The following WRAP53 variants were observed in gnomAD, a reference collection of about 807,000 sequenced individuals.
WRAP53 encodes WD repeat containing antisense to TP53.
WRAP53 carries 28 observed loss-of-function variants against 56.6 expected under a neutral mutation model. That is an observed-to-expected ratio of 0.50 (90% CI 0.37 to 0.68). The LOEUF is 0.68. Among genes scored for constraint, WRAP53 ranks in the 30% least tolerant of loss-of-function variants. WRAP53 has a pLI of 0.00. For synonymous variants in WRAP53, 283 were observed against 283.4 expected (o/e 1.00, Z 0.01); for missense variants, 671 against 715.5 (o/e 0.94, Z 0.71).
intron 4 of WRAP53, among the ~76,000 whole-genome samples, chr17:7,697,673 A>G (rs1039362001): frequency 6.6e-6 from 1 of 152,192 alleles, no homozygotes; most frequent in African/African-American, 2.4e-5. Flanking sequence ...AGAAAAAAAA[A>G]GAAAAAGAAA....
At chr17:7,700,055 T>C (rs1417721802) in intron 4 of WRAP53, among the ~76,000 whole-genome samples, 1 of 151,024 alleles carries the variant, frequency 6.6e-6, no homozygotes, top group Non-Finnish European at 1.5e-5. Context: ...CTTTTCTTTT[T>C]CTTTTTTTTT....
intron 4 of WRAP53, among the ~76,000 whole-genome samples, chr17:7,690,238 C>T (rs1374175172): frequency 1.3e-5 from 2 of 152,202 alleles, no homozygotes; most frequent in African/African-American, 4.8e-5. Context: ...TGTGAGTCAC[C>T]GTGCCTGGCT....
chr17:7,701,837 A>T lies in WRAP53; in HGVS notation c.955+48A>T. 6.3e-7 allele frequency: 1 copy of T among 1,595,630 alleles called. No homozygotes were observed. The highest frequency in any genetic ancestry group is 1.3e-5 in the African/African-American group (1 of 74,678). Reference sequence around the variant, plus strand: ...GAGGAGGAGAGGGAAGGGCACTGCCACCTGCACAGGGGCCTTTTGTGAGCC... The same window carrying T: ...GAGGAGGAGAGGGAAGGGCACTGCCTCCTGCACAGGGGCCTTTTGTGAGCC... On this transcript the variant is annotated intron_variant, in intron 7 of 10. Coordinates refer to ENST00000396463, the MANE Select transcript of WRAP53 (RefSeq NM_001143992.2). The surrounding 1 kb of genome is among the most constrained non-coding windows in gnomAD (Gnocchi z 4.2).
At chr17:7,692,726 T>A (rs545781820) in intron 4 of WRAP53, among the ~76,000 whole-genome samples, 4 of 149,992 alleles carry the variant, frequency 2.7e-5, no homozygotes. Context: ...AGGTCACTAA[T>A]GTCCTCTTGG....
rs773199225 is a variant in WRAP53 at position 7,688,851 on chromosome 17, G to A, written c.203G>A (p.Arg68Gln). The change falls in exon 2 of 11, where the codon CGG becomes CAG. Residue 68 changes from arginine (R) to glutamine (Q), a missense_variant. Around this residue, in one of 3 missense-constraint regions of WRAP53, gnomAD observed 406 missense variants for 418.5 expected, o/e 0.97. Coordinates refer to ENST00000396463, the MANE Select transcript of WRAP53 (RefSeq NM_001143992.2). ...GGCTCAGCTGTGTCCCAGGAGCTAC[G>A]GGAGGGGGACCCAGTTTCTCTCTCC... is the stretch of plus-strand genomic sequence containing the variant. ...VAGSAVSQEL[R>Q]EGDPVSLSTP... The A allele has an allele frequency of 1.2e-6, 2 of 1,614,206 alleles. No individual in the cohort carries two copies. The highest frequency in any genetic ancestry group is 2.2e-5 in the East Asian group (1 of 44,888).
At chr17:7,698,527 T>G (rs935643606) in intron 4 of WRAP53, among the ~76,000 whole-genome samples, 1 of 151,312 alleles carries the variant, frequency 6.6e-6, no homozygotes, top group African/African-American at 2.4e-5. Flanking sequence ...AGGCCAGGAG[T>G]TTTAGACCAG....
At chr17:7,699,468 A>G (rs1334646562) in intron 4 of WRAP53, among the ~76,000 whole-genome samples, 4 of 15,472 alleles carry the variant, frequency 2.6e-4, no homozygotes, top group African/African-American at 1.0e-3. Flanking sequence ...TTATATATAT[A>G]TATATATTTA....
upstream of WRAP53, chr17:7,687,276 C>CT (rs1459382170): frequency 2.3e-5 from 9 of 398,376 alleles, no homozygotes; most frequent in Non-Finnish European, 4.0e-5. Context: ...TAAGTCCCCA[C>CT]TGCCCCACCC....
chr17:7,687,051 A>C (rs2074007713), upstream of WRAP53: 4 of 350,342 alleles, frequency 1.1e-5, no homozygotes, highest in Non-Finnish European at 2.0e-5. Context: ...CTTTTATTTC[A>C]GGGATTCCCT....
intron 4 of WRAP53, among the ~76,000 whole-genome samples, chr17:7,698,141 G>T (rs558885311): frequency 5.3e-5 from 8 of 152,312 alleles, no homozygotes; most frequent in South Asian, 4.1e-4. Flanking sequence ...CTTTGGGAAA[G>T]AAATTGACAT....
intron 4 of WRAP53, among the ~76,000 whole-genome samples, chr17:7,699,146 G>T (rs1330732717): frequency 1.3e-5 from 2 of 151,204 alleles, no homozygotes; most frequent in Non-Finnish European, 1.5e-5. Context: ...TAGGCTGGGC[G>T]CAGTGGCTCA....
upstream of WRAP53, chr17:7,687,030 G>T: frequency 3.2e-6 from 1 of 312,762 alleles, no homozygotes; most frequent in Non-Finnish European, 5.8e-6. Flanking sequence ...AGACCTCAAT[G>T]CTTTGTGCAT....
At position 7,702,986 on chromosome 17, in the gene WRAP53, C is replaced by A; in HGVS notation, c.1269-7C>A. On this transcript the variant is annotated splice_region_variant and splice_polypyrimidine_tract_variant and intron_variant, in intron 9 of 10. Coordinates refer to ENST00000396463, the MANE Select transcript of WRAP53 (RefSeq NM_001143992.2). The surrounding 1 kb of genome is among the most constrained non-coding windows in gnomAD (Gnocchi z 5.0). Reference sequence around the variant, plus strand: ...CTCTGCCAGCAAATCTCTCCTCTCTCTCGCAGGACCGGGCAGTTCCTAGTG... The same window carrying A: ...CTCTGCCAGCAAATCTCTCCTCTCTATCGCAGGACCGGGCAGTTCCTAGTG... 6.2e-7 allele frequency: 1 copy of A among 1,613,784 alleles called. No individual in the cohort carries two copies. Among genetic ancestry groups the A allele is most frequent in the Non-Finnish European group, 8.5e-7 (1 of 1,180,032 alleles).
chr17:7,697,787 G>A (rs780602952), intron 4 of WRAP53, among the ~76,000 whole-genome samples: 4 of 152,028 alleles, frequency 2.6e-5, no homozygotes, highest in South Asian at 2.1e-4. Flanking sequence ...AATTTATGCT[G>A]TAATGAAATA....
Position 7,702,230 on chromosome 17 carries a change from G to T in WRAP53, c.956-114G>T, listed in dbSNP as rs1356412843. On this transcript the variant is annotated intron_variant, in intron 7 of 10. Transcript: ENST00000396463. This position sits in a 1 kb window ranked among gnomAD's most constrained non-coding sequence, Gnocchi z 5.0. Reference sequence around the variant, plus strand: ...GTCCTGCTTGTGACAGACAGCATGGGGGGGATGTTGAGTCCAAGCATGTTG... The same window carrying T: ...GTCCTGCTTGTGACAGACAGCATGGTGGGGATGTTGAGTCCAAGCATGTTG... 8 of 1,117,414 alleles carry T rather than the reference G, an allele frequency of 7.2e-6. No individual in the cohort carries two copies. Among genetic ancestry groups the T allele is most frequent in the South Asian group, 6.5e-5 (5 of 77,042 alleles). The allele number at this position is 1,117,414 out of a possible 1,614,324, so 69.2% of individuals were successfully genotyped here.
rs1227623006 is a variant in WRAP53 at position 7,701,260 on chromosome 17, C to T, written c.732-199C>T. On this transcript the variant is annotated intron_variant, in intron 5 of 10. Transcript: ENST00000396463. This position sits in a 1 kb window ranked among gnomAD's most constrained non-coding sequence, Gnocchi z 4.2. ...CTTGGATTACAGGCATGAGCCACCA[C>T]ACCCAGCCTCATTTTTGTATTTTTA... Among the ~76,000 whole-genome samples, 1 of 152,082 alleles carries T rather than the reference C, an allele frequency of 6.6e-6. No homozygotes were observed. The highest frequency in any genetic ancestry group is 2.4e-5 in the African/African-American group (1 of 41,412).
intron 4 of WRAP53, among the ~76,000 whole-genome samples, chr17:7,699,488 ATATATATATATATT>A (rs1424543875): frequency 2.1e-3 from 30 of 14,122 alleles, no homozygotes; most frequent in Non-Finnish European, 2.7e-3. Context: ...ATATATATAT[ATATATATATATATT>A]TATATATATA....
rs370637813 is a variant in WRAP53, at chr17:7,700,686, G to A, written c.643-55G>A. The A allele has an allele frequency of 1.0e-4, 131 of 1,250,646 alleles. No homozygotes were observed. The African/African-American group carries it at 1.4e-3, about 14-fold the overall frequency. 77.5% of individuals were successfully genotyped at this position (1,250,646 alleles called of 1,614,324 possible). On this transcript the variant is annotated intron_variant, in intron 4 of 10. Coordinates refer to ENST00000396463, the MANE Select transcript of WRAP53 (RefSeq NM_001143992.2). ...TGCCACAACACTGCTAGAGGCACGC[G>A]CCTCAGACTCCTTTTCCCTCCGAGT...
At chr17:7,697,145 A>C (rs1165292548) in intron 4 of WRAP53, among the ~76,000 whole-genome samples, 1 of 151,994 alleles carries the variant, frequency 6.6e-6, no homozygotes, top group Non-Finnish European at 1.5e-5. Context: ...ACATGGCAAA[A>C]TCCCGTCTCT....
Sources: allele counts gnomAD v4.1 joint callset (sites outside exome capture counted in the v4.1 genomes callset), GRCh38; gene constraint gnomAD v4.1.1; regional missense constraint gnomAD v4.1.1; non-coding constraint Gnocchi (gnomAD v3.1); transcripts MANE v1.5; gene names NCBI Gene and HGNC (gene_info 2026-07-23, HGNC 2026-07-21).